Variants in ZBTB26 observed in about 807,000 individuals in gnomAD.
ZBTB26 encodes the protein zinc finger and BTB domain containing 26, also known as zinc finger and BTB domain-containing protein 26.
A neutral mutation model predicts 31.6 loss-of-function variants in ZBTB26; 12 were observed. The observed-to-expected ratio is 0.38, with a 90% CI of 0.24 to 0.61. The LOEUF (loss-of-function observed/expected upper bound fraction) is 0.61, where lower values mean the gene tolerates loss of function less well. Ranked by LOEUF, ZBTB26 falls within the 20% of genes least tolerant of loss-of-function variation. The pLI is 0.60. For missense variants in ZBTB26, 311 were observed against 521.9 expected (o/e 0.60, Z 3.94); for synonymous variants, 155 against 182.9 (o/e 0.85, Z 1.23).
In ZBTB26 at chr9:122,916,942, T is replaced by C. The variant is rs1833024150; in HGVS notation, c.*1667A>G. On this transcript the variant is annotated 3_prime_UTR_variant, in exon 2 of 2. Coordinates refer to ENST00000373656, the MANE Select transcript of ZBTB26 (RefSeq NM_020924.4). Reference sequence around the variant, plus strand: ...CAAAAATAAAAACAGAAAATCCTGATGGAAACTAATAAACAGTTTTCCACA... The same window carrying C: ...CAAAAATAAAAACAGAAAATCCTGACGGAAACTAATAAACAGTTTTCCACA... 1 of 152,206 alleles carries C rather than the reference T, an allele frequency of 6.6e-6. No individual in the cohort carries two copies. The highest frequency in any genetic ancestry group is 2.1e-4 in the South Asian group (1 of 4,832). The allele number at this position is 152,206 out of a possible 1,614,324, so 9.4% of individuals were successfully genotyped here.
rs759472335 is a variant in ZBTB26, at chr9:122,919,287, G to C, written c.648C>G (p.Pro216=). The C allele has an allele frequency of 1.2e-6, 2 of 1,614,102 alleles. No homozygotes were observed. The highest frequency in any genetic ancestry group is 1.7e-6 in the Non-Finnish European group (2 of 1,180,014). The part of the protein sequence containing the change: ...SEPTALHSSE[P]QHSLINSTVE... Reference sequence around the variant, plus strand: ...CAGTTGAATTTATCAGGGAGTGCTGGGGCTCTGATGAATGTAAAGCAGTGG... The same window carrying C: ...CAGTTGAATTTATCAGGGAGTGCTGCGGCTCTGATGAATGTAAAGCAGTGG... Residue 216 remains proline, a synonymous_variant, in exon 2 of 2, where the codon CCC becomes CCG. Transcript: ENST00000373656. The surrounding 1 kb of genome is among the most constrained non-coding windows in gnomAD (Gnocchi z 6.1).
In ZBTB26 at chr9:122,916,573, G is replaced by A. The variant is rs992132972; in HGVS notation, c.*2036C>T. 2.0e-5 allele frequency: 3 copies of A among 152,184 alleles called. No homozygotes were observed. The East Asian group carries it at 5.8e-4, about 29-fold the overall frequency. 9.4% of individuals were successfully genotyped at this position (152,184 alleles called of 1,614,324 possible). A position where few individuals can be genotyped will look rare whatever the true frequency, so the allele number is the denominator to read the frequency against. On this transcript the variant is annotated 3_prime_UTR_variant, in exon 2 of 2. Coordinates refer to ENST00000373656, the MANE Select transcript of ZBTB26 (RefSeq NM_020924.4). ...TCCCTGTGAAGAAATGATGTTGACA[G>A]AAAATACCAAAAAATGCTGTTTGGT...
Position 122,916,247 on chromosome 9 carries a change from GCTTT to G in ZBTB26, c.*2358_*2361del, listed in dbSNP as rs1833016235. The stretch of plus-strand genomic sequence containing the variant: ...TTAACTGATCGAATACAGCAAGGCA[GCTTT>G]CTTTATTATTTCTAGTATAAAAGCA... On this transcript the variant is annotated 3_prime_UTR_variant, in exon 2 of 2. Transcript: ENST00000373656. The G allele has an allele frequency of 6.6e-6, 1 of 152,202 alleles. No individual in the cohort carries two copies. Among genetic ancestry groups the G allele is most frequent in the East Asian group, 1.9e-4 (1 of 5,202 alleles). The allele number at this position is 152,202 out of a possible 1,614,324, so 9.4% of individuals were successfully genotyped here.
chr9:122,930,020 C>G (rs879749562), intron 1 of ZBTB26, among the ~76,000 whole-genome samples: 1 of 152,170 alleles, frequency 6.6e-6, no homozygotes, highest in Non-Finnish European at 1.5e-5. Context: ...ACCCTCCCCC[C>G]CCAAATTTCC....
chr9:122,924,679 T>C (rs1002966448), intron 1 of ZBTB26, among the ~76,000 whole-genome samples: 1 of 149,550 alleles, frequency 6.7e-6, no homozygotes, highest in Non-Finnish European at 1.5e-5. Flanking sequence ...CAGGCTAGAA[T>C]GCAGTGGCGT....
intron 1 of ZBTB26, among the ~76,000 whole-genome samples, chr9:122,924,794 G>A (rs1027278569): frequency 2.0e-5 from 3 of 151,656 alleles, no homozygotes; most frequent in Admixed American, 2.0e-4. Context: ...CCTAGCTAAT[G>A]TTTTTATTTT....
chr9:122,928,940 A>G (rs1833226242), intron 1 of ZBTB26, among the ~76,000 whole-genome samples: 1 of 152,242 alleles, frequency 6.6e-6, no homozygotes, highest in South Asian at 2.1e-4. Flanking sequence ...GAAGAGAGAC[A>G]ACAATAATAT....
chr9:122,918,282 T>C lies in ZBTB26; in HGVS notation c.*327A>G, dbSNP rs1833043582. On this transcript the variant is annotated 3_prime_UTR_variant, in exon 2 of 2. Coordinates refer to ENST00000373656, the MANE Select transcript of ZBTB26 (RefSeq NM_020924.4). ...AGAGTAGGTGACGTTATTAACTTGT[T>C]GGTACCTTCGGAATGTGCCTAGTGA... 2 of 249,432 alleles carry C rather than the reference T, an allele frequency of 8.0e-6. No individual in the cohort carries two copies. The highest frequency in any genetic ancestry group is 2.3e-5 in the African/African-American group (1 of 44,280). The allele number at this position is 249,432 out of a possible 1,614,324, so 15.5% of individuals were successfully genotyped here. A position where few individuals can be genotyped will look rare whatever the true frequency, so the allele number is the denominator to read the frequency against.
intron 1 of ZBTB26, among the ~76,000 whole-genome samples, chr9:122,925,153 G>C (rs1452416533): frequency 6.6e-6 from 1 of 152,000 alleles, no homozygotes; most frequent in African/African-American, 2.4e-5. Context: ...TGGGCACACT[G>C]CTTGAGCTCA....
At chr9:122,927,300 A>G (rs1349940866) in intron 1 of ZBTB26, among the ~76,000 whole-genome samples, 2 of 152,254 alleles carry the variant, frequency 1.3e-5, no homozygotes, top group East Asian at 3.8e-4. Context: ...CCCTTTGTTC[A>G]AATGAGGATA....
intron 1 of ZBTB26, among the ~76,000 whole-genome samples, chr9:122,929,830 C>A (rs1410824255): frequency 6.6e-6 from 1 of 152,108 alleles, no homozygotes; most frequent in Non-Finnish European, 1.5e-5. Flanking sequence ...GCAATACTCT[C>A]CCCTCCCCCA....
chr9:122,918,336 A>AT lies in ZBTB26; in HGVS notation c.*272dup. 2.4e-6 allele frequency: 1 copy of AT among 416,782 alleles called. No homozygotes were observed. The highest frequency in any genetic ancestry group is 3.3e-5 in the South Asian group (1 of 30,598). The allele number at this position is 416,782 out of a possible 1,614,324, so 25.8% of individuals were successfully genotyped here. On this transcript the variant is annotated 3_prime_UTR_variant, in exon 2 of 2. Transcript: ENST00000373656. ...GCCTAAAACAGTGTCAGTCTAAGACATAAGTCAATGTTAGGTAGACAAAAG... is the reference window on the plus strand; with the variant it reads ...GCCTAAAACAGTGTCAGTCTAAGACATTAAGTCAATGTTAGGTAGACAAAAG...
At chr9:122,922,958 G>A (rs953210029) in intron 1 of ZBTB26, among the ~76,000 whole-genome samples, 2 of 152,110 alleles carry the variant, frequency 1.3e-5, no homozygotes, top group African/African-American at 4.8e-5. Context: ...GGCCAAGGCT[G>A]GTGGATCACG....
chr9:122,916,608 A>G lies in ZBTB26; in HGVS notation c.*2001T>C, dbSNP rs1488203095. The G allele has an allele frequency of 6.6e-6, 1 of 152,208 alleles. No individual in the cohort carries two copies. The highest frequency in any genetic ancestry group is 2.4e-5 in the African/African-American group (1 of 41,450). 9.4% of individuals were successfully genotyped at this position (152,208 alleles called of 1,614,324 possible). A position where few individuals can be genotyped will look rare whatever the true frequency, so the allele number is the denominator to read the frequency against. Reference sequence around the variant, plus strand: ...AAAAATGCTGTTTGGTTGACAGGGTAGAGTCTCACTATTGCATAGAATTGG... The same window carrying G: ...AAAAATGCTGTTTGGTTGACAGGGTGGAGTCTCACTATTGCATAGAATTGG... On this transcript the variant is annotated 3_prime_UTR_variant, in exon 2 of 2. Transcript: ENST00000373656.
At chr9:122,929,933 G>A (rs1833242450) in intron 1 of ZBTB26, among the ~76,000 whole-genome samples, 1 of 151,930 alleles carries the variant, frequency 6.6e-6, no homozygotes, top group African/African-American at 2.4e-5. Flanking sequence ...CTGTAACCCT[G>A]CACTCCTACA....
intron 1 of ZBTB26, among the ~76,000 whole-genome samples, chr9:122,924,615 CTTTCTT>C (rs1833150398): frequency 1.1e-3 from 10 of 9,316 alleles, no homozygotes; most frequent in Non-Finnish European, 3.9e-3. Context: ...CAAATTTCAA[CTTTCTT>C]TTTTTTTTTT....
chr9:122,928,040 G>A (rs1833210287), intron 1 of ZBTB26, among the ~76,000 whole-genome samples: 1 of 152,010 alleles, frequency 6.6e-6, no homozygotes, highest in Non-Finnish European at 1.5e-5. Context: ...TCACCATGTT[G>A]GCCAGGCTGT....
Position 122,918,277 on chromosome 9 carries a change from C to A in ZBTB26, c.*332G>T. On this transcript the variant is annotated 3_prime_UTR_variant, in exon 2 of 2. Transcript: ENST00000373656. Reference sequence around the variant, plus strand: ...AGTGGAGAGTAGGTGACGTTATTAACTTGTTGGTACCTTCGGAATGTGCCT... The same window carrying A: ...AGTGGAGAGTAGGTGACGTTATTAAATTGTTGGTACCTTCGGAATGTGCCT... 4.2e-6 allele frequency: 1 copy of A among 236,186 alleles called. No individual in the cohort carries two copies. The highest frequency in any genetic ancestry group is 8.2e-6 in the Non-Finnish European group (1 of 121,440). The allele number at this position is 236,186 out of a possible 1,614,324, so 14.6% of individuals were successfully genotyped here.
intron 1 of ZBTB26, among the ~76,000 whole-genome samples, chr9:122,923,492 T>C (rs1359178156): frequency 2.0e-5 from 3 of 152,232 alleles, no homozygotes; most frequent in Admixed American, 6.5e-5. Context: ...ACTATTATCA[T>C]TGGTCACTTT....
Sources: gnomAD v4.1 joint callset for allele counts (sites outside exome capture counted in the v4.1 genomes callset) on GRCh38, gnomAD v4.1.1 for gene constraint, Gnocchi (gnomAD v3.1) non-coding constraint, MANE v1.5 for transcripts, NCBI Gene and HGNC (gene_info 2026-07-23, HGNC 2026-07-21) for gene names.